The following LCTL variants were observed in gnomAD, a reference collection of about 807,000 sequenced individuals.
The protein encoded by LCTL is lactase like, also known as lactase-like protein.
A neutral mutation model predicts 75.8 loss-of-function variants in LCTL; 76 were observed. The ratio of observed to expected loss-of-function variants is 1.00; its 90% CI spans 0.83 to 1.21. The LOEUF is 1.21. Among genes scored for constraint, LCTL ranks in the 50% most tolerant of loss-of-function variants. The probability of loss-of-function intolerance (pLI) is 0.00; values close to 1 mark genes in which losing one functional copy is unlikely to be tolerated. For missense variants in LCTL, 670 were observed against 712.4 expected (o/e 0.94, Z 0.68); for synonymous variants, 271 against 268.8 (o/e 1.01, Z -0.08).
exon 3 of LCTL, chr15:66,563,986 G>A (rs376052269): frequency 1.2e-6 from 2 of 1,613,422 alleles, no homozygotes; most frequent in African/African-American, 2.7e-5. Flanking sequence ...TCCCTCAGCA[G>A]AATGATGTCC....
intron 6 of LCTL, among the ~76,000 whole-genome samples, chr15:66,558,669 T>TTGTG (rs1163022765): frequency 4.4e-5 from 6 of 137,880 alleles, no homozygotes; most frequent in African/African-American, 1.1e-4. Flanking sequence ...TCTGTGGTTT[T>TTGTG]TGTGTGTGTG....
chr15:66,565,428 G>T, exon 1 of LCTL: 1 of 1,090,764 alleles, frequency 9.2e-7, no homozygotes, highest in Non-Finnish European at 1.3e-6. Context: ...CTGCAGCCAG[G>T]CTGATGGCCA....
intron 4 of LCTL, among the ~76,000 whole-genome samples, chr15:66,563,072 G>T (rs915106482): frequency 6.6e-6 from 1 of 152,202 alleles, no homozygotes; most frequent in Non-Finnish European, 1.5e-5. Flanking sequence ...TGTTGAAACT[G>T]TATCCCCTGT....
chr15:66,550,701 A>G lies in LCTL; in HGVS notation c.1525-597T>C, dbSNP rs562151926. Among the ~76,000 whole-genome samples the G allele has an allele frequency of 2.2e-3, 329 of 152,090 alleles. 1 individual carries two copies. The highest frequency in any genetic ancestry group is 7.2e-3 in the African/African-American group (298 of 41,510). On this transcript the variant is annotated intron_variant, in intron 11 of 12. Transcript: ENST00000341509. ...GCTATGTTGCCCAGGCTGGTCTTGA[A>G]CACTTGGCCCCAAGCAGTCCTCCCA...
intron 9 of LCTL, among the ~76,000 whole-genome samples, chr15:66,552,573 A>G (rs752155386): frequency 2.7e-5 from 4 of 149,766 alleles, no homozygotes; most frequent in Admixed American, 6.7e-5. Flanking sequence ...TAAGAGGCTG[A>G]GGCAGGAAAT....
rs772124989 is a variant in LCTL at position 66,553,280 on chromosome 15, A to C, written c.923-22T>G. 10 of 1,512,914 alleles carry C rather than the reference A, an allele frequency of 6.6e-6. No individual in the cohort carries two copies. In the South Asian group the frequency reaches 1.2e-4, roughly 19 times the overall value. 93.7% of individuals were successfully genotyped at this position (1,512,914 alleles called of 1,614,324 possible). A position where few individuals can be genotyped will look rare whatever the true frequency, so the allele number is the denominator to read the frequency against. Reference sequence around the variant, plus strand: ...CTTCCTTTTGAGAGAGAAAAGTAGAATTTAACAAAGCCTTATTTTCTCCCA... The same window carrying C: ...CTTCCTTTTGAGAGAGAAAAGTAGACTTTAACAAAGCCTTATTTTCTCCCA... On this transcript the variant is annotated intron_variant, in intron 8 of 12. Coordinates refer to ENST00000341509, the Ensembl canonical transcript of LCTL.
intron 12 of LCTL, 45 bp downstream of exon 13, chr15:66,549,996 T>C (rs1429986256): frequency 2.3e-6 from 3 of 1,301,456 alleles, no homozygotes; most frequent in Non-Finnish European, 2.1e-6. Flanking sequence ...TGTATAATTA[T>C]TTAGTTTAAT....
chr15:66,563,827 C>T, intron 3 of LCTL, 84 bp downstream of exon 4: 1 of 1,113,812 alleles, frequency 9.0e-7, no homozygotes, highest in South Asian at 1.3e-5. Flanking sequence ...TGATCTCCCT[C>T]CCCAGGACTC....
chr15:66,560,897 G>A, intron 6 of LCTL, 109 bp downstream of exon 7: 1 of 877,848 alleles, frequency 1.1e-6, no homozygotes, highest in Non-Finnish European at 1.8e-6. Flanking sequence ...GTGCTATGGA[G>A]TATGCTGACT....
intron 6 of LCTL, among the ~76,000 whole-genome samples, chr15:66,559,229 A>C (rs1445398930): frequency 6.6e-6 from 1 of 152,138 alleles, no homozygotes; most frequent in African/African-American, 2.4e-5. Context: ...AAAATTTGAG[A>C]AGTACCAATT....
intron 8 of LCTL, among the ~76,000 whole-genome samples, chr15:66,553,668 T>C (rs1242809116): frequency 4.7e-5 from 7 of 148,300 alleles, no homozygotes; most frequent in Non-Finnish European, 8.9e-5. Flanking sequence ...GGCAGGAGAA[T>C]GGCGTGAATC....
At chr15:66,555,576 A>G (rs1020419185) in intron 8 of LCTL, among the ~76,000 whole-genome samples, 2 of 152,092 alleles carry the variant, frequency 1.3e-5, no homozygotes, top group Non-Finnish European at 2.9e-5. Context: ...AAAAGAAAAC[A>G]TAGAGCAAAA....
chr15:66,564,543 G>T, intron 2 of LCTL, 133 bp downstream of exon 3: 1 of 1,051,506 alleles, frequency 9.5e-7, no homozygotes, highest in Non-Finnish European at 1.4e-6. Flanking sequence ...GGGGTAGAGG[G>T]TGTTTGGCAG....
chr15:66,552,995 TAAG>T (rs1328456042), exon 9 of LCTL: 3 of 1,460,956 alleles, frequency 2.1e-6, no homozygotes, highest in African/African-American at 1.4e-5. Context: ...TGAGCAAAGT[TAAG>T]GAGCCTCCTA....
chr15:66,550,264 A>C (rs1895547560), intron 11 of LCTL, 160 bp from the exon 13 acceptor site: 1 of 582,798 alleles, frequency 1.7e-6, no homozygotes, highest in African/African-American at 1.9e-5. Flanking sequence ...GTTAATATTT[A>C]CTGTACATCC....
At chr15:66,563,588 A>C in exon 4 of LCTL, 1 of 1,612,542 alleles carries the variant, frequency 6.2e-7, no homozygotes, top group Non-Finnish European at 8.5e-7. Context: ...CGATAAGATC[A>C]CTGTAGAATT....
chr15:66,561,302 T>C (rs1348634081), exon 5 of LCTL: 2 of 1,614,224 alleles, frequency 1.2e-6, no homozygotes, highest in East Asian at 4.5e-5. Context: ...CCCACCGTAT[T>C]TGACCTGGAG....
At chr15:66,551,461 T>C (rs1895597067) in intron 11 of LCTL, among the ~76,000 whole-genome samples, 1 of 152,042 alleles carries the variant, frequency 6.6e-6, no homozygotes. Flanking sequence ...TCATAACCTC[T>C]GGTAGTGCCC....
chr15:66,561,591 G>C (rs1895890901), intron 4 of LCTL, among the ~76,000 whole-genome samples: 1 of 152,230 alleles, frequency 6.6e-6, no homozygotes, highest in African/African-American at 2.4e-5. Flanking sequence ...GGGCCACACA[G>C]ATGTCAGAAA....
Sources: allele counts gnomAD v4.1 joint callset (sites outside exome capture counted in the v4.1 genomes callset), GRCh38; gene constraint gnomAD v4.1.1; transcripts MANE v1.5; gene names NCBI Gene and HGNC (gene_info 2026-07-23, HGNC 2026-07-21).